PDCD2L: variants seen among roughly 807,000 people sequenced by gnomAD.
The protein encoded by PDCD2L is programmed cell death 2 like, also known as uS5 assembly chaperone PDCD2L.
A neutral mutation model predicts 40.4 loss-of-function variants in PDCD2L; 44 were observed. That is an observed-to-expected ratio of 1.09 (90% CI 0.86 to 1.40). The LOEUF (loss-of-function observed/expected upper bound fraction) is 1.40, where lower values mean the gene tolerates loss of function less well. Among genes scored for constraint, PDCD2L ranks in the 40% most tolerant of loss-of-function variants. The pLI is 0.00. For missense variants in PDCD2L, 470 were observed against 453.7 expected (o/e 1.04, Z -0.33); for synonymous variants, 194 against 174.6 (o/e 1.11, Z -0.88).
At chr19:34,414,502 T>G (rs12986036) in intron 5 of PDCD2L, among the ~76,000 whole-genome samples, 2,726 of 110,554 alleles carry the variant, frequency 0.025, 12 homozygotes, top group African/African-American at 0.038. Context: ...TTTTTTTTTT[T>G]GGGGGCAGGG....
chr19:34,415,164 A>G (rs770067221), intron 5 of PDCD2L, among the ~76,000 whole-genome samples: 55 of 152,060 alleles, frequency 3.6e-4, no homozygotes, highest in African/African-American at 1.1e-3. Flanking sequence ...CCTGCCACCC[A>G]GGCTGGAGTG....
chr19:34,420,590 C>T (rs2081154246), intron 5 of PDCD2L, among the ~76,000 whole-genome samples: 1 of 151,732 alleles, frequency 6.6e-6, no homozygotes, highest in South Asian at 2.1e-4. Flanking sequence ...GAGTTTGAGA[C>T]CAGTCTGGGC....
At chr19:34,412,051 C>T (rs748521820) in intron 4 of PDCD2L, among the ~76,000 whole-genome samples, 1 of 149,200 alleles carries the variant, frequency 6.7e-6, no homozygotes, top group African/African-American at 2.5e-5. Context: ...GACAGAATCT[C>T]GCTCTGTTGC....
chr19:34,406,015 A>C (rs932972006), intron 3 of PDCD2L, among the ~76,000 whole-genome samples: 2 of 152,178 alleles, frequency 1.3e-5, no homozygotes, highest in Non-Finnish European at 2.9e-5. Flanking sequence ...ATGGCCACGC[A>C]ACTGTAGTGC....
intron 6 of PDCD2L, among the ~76,000 whole-genome samples, chr19:34,422,706 A>AT (rs879693993): frequency 8.1e-4 from 116 of 143,414 alleles, no homozygotes; most frequent in African/African-American, 1.1e-3. Flanking sequence ...CAGTTACTGG[A>AT]TTTTTTTTTT....
intron 5 of PDCD2L, among the ~76,000 whole-genome samples, chr19:34,416,563 C>T (rs1474257390): frequency 6.6e-6 from 1 of 152,188 alleles, no homozygotes; most frequent in Non-Finnish European, 1.5e-5. Flanking sequence ...CCCCAGTTTC[C>T]TCTTTTACCA....
chr19:34,420,828 GT>G (rs2075147440), intron 5 of PDCD2L, among the ~76,000 whole-genome samples: 1 of 150,796 alleles, frequency 6.6e-6, no homozygotes, highest in African/African-American at 2.4e-5. Context: ...TGAAGTGAAT[GT>G]TTCCTCCCTC....
chr19:34,417,607 C>CA lies in PDCD2L; in HGVS notation c.797+3771dup, dbSNP rs899768526. 9.3e-4 allele frequency among the ~76,000 whole-genome samples: 100 copies of CA among 107,384 alleles called. 1 individual carries two copies. The highest frequency in any genetic ancestry group is 4.9e-3 in the Middle Eastern group (1 of 206). 70.4% of individuals were successfully genotyped at this position (107,384 alleles called of 152,430 possible). A position where few individuals can be genotyped will look rare whatever the true frequency, so the allele number is the denominator to read the frequency against. On this transcript the variant is annotated intron_variant, in intron 5 of 6. Coordinates refer to ENST00000246535, the MANE Select transcript of PDCD2L (RefSeq NM_032346.2). Reference sequence around the variant, plus strand: ...TGGGCGAGAGAGCAAGGCTTTGTCTCAAAAAAAAAAAGAAAAAAAAAGTTA... The same window carrying CA: ...TGGGCGAGAGAGCAAGGCTTTGTCTCAAAAAAAAAAAAGAAAAAAAAAGTTA...
chr19:34,411,368 T>C lies in PDCD2L; in HGVS notation c.686+1858T>C, dbSNP rs1272282262. 3.3e-5 allele frequency among the ~76,000 whole-genome samples: 5 copies of C among 151,700 alleles called. No individual in the cohort carries two copies. The East Asian group carries it at 9.8e-4, about 30-fold the overall frequency. On this transcript the variant is annotated intron_variant, in intron 4 of 6. Coordinates refer to ENST00000246535, the MANE Select transcript of PDCD2L (RefSeq NM_032346.2). ...AGCTCTCATGTCTCAGCCTCCCGAG[T>C]AGCTGGGACCATAGGCGTGCGCCAC... is the stretch of plus-strand genomic sequence containing the variant.
At position 34,406,999 on chromosome 19, in the gene PDCD2L, G is replaced by T. The variant is rs558189878; in HGVS notation, c.336+2009G>T. On this transcript the variant is annotated intron_variant, in intron 3 of 6. Coordinates refer to ENST00000246535, the MANE Select transcript of PDCD2L (RefSeq NM_032346.2). Reference sequence around the variant, plus strand: ...TTACAGGCACTCGCCACCACGCCCAGCTAATTTTTATATTTTTAGTAGAGA... The same window carrying T: ...TTACAGGCACTCGCCACCACGCCCATCTAATTTTTATATTTTTAGTAGAGA... 1.8e-4 allele frequency among the ~76,000 whole-genome samples: 28 copies of T among 151,716 alleles called. 1 individual carries two copies. The South Asian group carries it at 5.0e-3, about 27-fold the overall frequency.
intron 4 of PDCD2L, among the ~76,000 whole-genome samples, chr19:34,411,670 T>C (rs1033873864): frequency 2.0e-5 from 3 of 152,068 alleles, no homozygotes; most frequent in Admixed American, 1.3e-4. Flanking sequence ...TTTTGGTTTT[T>C]TTGAGACAGA....
Position 34,404,411 on chromosome 19 carries a change from C to A in PDCD2L, c.-20C>A. ...GAGAGGCCGCCGTAGTTTGCGTTTT[C>A]ACCTGGTCGCCCGGCGGCCATGGCG... On this transcript the variant is annotated 5_prime_UTR_variant, in exon 1 of 7. Transcript: ENST00000246535. 6.5e-7 allele frequency: 1 copy of A among 1,537,358 alleles called. No individual in the cohort carries two copies. The highest frequency in any genetic ancestry group is 1.2e-5 in the South Asian group (1 of 83,176).
chr19:34,405,143 GTTTTTTTT>G (rs74177144), intron 3 of PDCD2L, among the ~76,000 whole-genome samples, 153 bp downstream of exon 3: 4 of 111,080 alleles, frequency 3.6e-5, no homozygotes, highest in Non-Finnish European at 5.2e-5. Context: ...TTTTCGTAAA[GTTTTTTTT>G]TTTTTTTTTT....
At chr19:34,413,900 A>C (rs911736070) in intron 5 of PDCD2L, 53 bp downstream of exon 5, 22 of 1,161,180 alleles carry the variant, frequency 1.9e-5, no homozygotes, top group Non-Finnish European at 2.6e-5. Context: ...AAAGGAATAC[A>C]TATTAGTTTG....
chr19:34,404,429 C>G lies in PDCD2L; in HGVS notation c.-2C>G. On this transcript the variant is annotated 5_prime_UTR_variant, in exon 1 of 7. Coordinates refer to ENST00000246535, the MANE Select transcript of PDCD2L (RefSeq NM_032346.2). Reference sequence around the variant, plus strand: ...GCGTTTTCACCTGGTCGCCCGGCGGCCATGGCGGCCGTTCTGAAGCCGGTG... The same window carrying G: ...GCGTTTTCACCTGGTCGCCCGGCGGGCATGGCGGCCGTTCTGAAGCCGGTG... 6.5e-7 allele frequency: 1 copy of G among 1,540,968 alleles called. No individual in the cohort carries two copies. Among genetic ancestry groups the G allele is most frequent in the Non-Finnish European group, 8.7e-7 (1 of 1,144,198 alleles).
Position 34,404,754 on chromosome 19 carries a change from C to G in PDCD2L, c.214C>G (p.His72Asp), listed in dbSNP as rs775637690. The G allele has an allele frequency of 6.2e-7, 1 of 1,611,592 alleles. No individual in the cohort carries two copies. Among genetic ancestry groups the G allele is most frequent in the African/African-American group, 1.3e-5 (1 of 75,036 alleles). The change falls in exon 2 of 7, where the codon CAC (histidine) becomes GAC (aspartate). Residue 72 changes from histidine (H) to aspartate (D), a missense_variant. Coordinates refer to ENST00000246535, the MANE Select transcript of PDCD2L (RefSeq NM_032346.2). ...VYCPLEGSPF[H>D]RLLHVFACAC... ...TTGCCCGCTGGAAGGCTCCCCGTTT[C>G]ACCGTCTGCTGCACGTGTTCGCGTG...
At chr19:34,408,987 T>G (rs2075089414) in intron 3 of PDCD2L, 174 bp from the exon 4 acceptor site, 2 of 604,578 alleles carry the variant, frequency 3.3e-6, no homozygotes, top group Admixed American at 3.0e-5. Context: ...TTAAGTCACC[T>G]CCAACGTGCT....
At chr19:34,421,761 C>A in intron 6 of PDCD2L, 94 bp downstream of exon 6, 2 of 1,420,582 alleles carry the variant, frequency 1.4e-6, no homozygotes, top group East Asian at 2.4e-5. Flanking sequence ...ATATCATAAG[C>A]AAATTACAGA....
chr19:34,413,755 T>C lies in PDCD2L; in HGVS notation c.705T>C (p.Asp235=). Residue 235 remains aspartate (D), a synonymous_variant, in exon 5 of 7, where the codon GAT becomes GAC. Coordinates refer to ENST00000246535, the MANE Select transcript of PDCD2L (RefSeq NM_032346.2). The stretch of plus-strand genomic sequence containing the variant: ...TTTTTAGCCTTCCTAATGATGGTGA[T>C]GAAAAATATGAGAAGACCATAATTA... ...LLSQSLPNDG[D]EKYEKTIIKS... is the part of the protein sequence containing the mutation. 1 of 1,590,894 alleles carries C rather than the reference T, an allele frequency of 6.3e-7. No individual in the cohort carries two copies. The highest frequency in any genetic ancestry group is 2.2e-5 in the East Asian group (1 of 44,728).
Sources: gnomAD v4.1 joint callset for allele counts (sites outside exome capture counted in the v4.1 genomes callset) on GRCh38, gnomAD v4.1.1 for gene constraint, MANE v1.5 for transcripts, NCBI Gene and HGNC (gene_info 2026-07-23, HGNC 2026-07-21) for gene names.